The following MARK3 variants were observed in gnomAD, a reference collection of about 807,000 sequenced individuals.
MARK3 encodes the protein MAP/microtubule affinity-regulating kinase 3.
MARK3 carries 46 observed loss-of-function variants against 90.1 expected under a neutral mutation model. That is an observed-to-expected ratio of 0.51 (90% CI 0.40 to 0.65). MARK3 has a LOEUF of 0.65. Ranked by LOEUF, MARK3 falls within the 30% of genes least tolerant of loss-of-function variation. The pLI, the probability that MARK3 is intolerant of heterozygous loss-of-function variation, is 0.00. For missense variants in MARK3, 818 were observed against 947.2 expected (o/e 0.86, Z 1.79); for synonymous variants, 321 against 332.6 (o/e 0.97, Z 0.38).
chr14:103,463,842 A>G (rs1429083402), intron 7 of MARK3, among the ~76,000 whole-genome samples: 2 of 152,132 alleles, frequency 1.3e-5, no homozygotes, highest in African/African-American at 4.8e-5. Context: ...TGAAAACCCA[A>G]ACTTCTCAAG....
intron 2 of MARK3, among the ~76,000 whole-genome samples, chr14:103,420,826 C>A (rs968827620): frequency 1.3e-5 from 2 of 152,128 alleles, no homozygotes; most frequent in Admixed American, 1.3e-4. Flanking sequence ...TGAGGTTCAA[C>A]AAGGGGACAC....
At chr14:103,473,700 C>G (rs1397408823) in intron 12 of MARK3, among the ~76,000 whole-genome samples, 2 of 152,050 alleles carry the variant, frequency 1.3e-5, no homozygotes, top group Non-Finnish European at 2.9e-5. Context: ...TAACTCCTCC[C>G]CACTCCCGGT....
rs2093692880 is a variant in MARK3, at chr14:103,475,139, A to G, written c.1411A>G (p.Met471Val). ...AAAGGGAATTGCTCCAGCCAGTCCC[A>G]TGCTTGGGAATGCAAGTAATCCTAA... ...GGKGIAPASP[M>V]LGNASNPNKA... The change falls in exon 13 of 18, where the codon ATG becomes GTG. Residue 471 changes from methionine (M) to valine (V), a missense_variant. This residue lies in a region of MARK3 where 560 missense variants were observed against 613.5 expected (regional missense o/e 0.91). Coordinates refer to ENST00000429436, the MANE Select transcript of MARK3 (RefSeq NM_001128918.3). 5 of 1,614,206 alleles carry G rather than the reference A, an allele frequency of 3.1e-6. No homozygotes were observed. The highest frequency in any genetic ancestry group is 4.2e-6 in the Non-Finnish European group (5 of 1,180,042).
At chr14:103,463,996 C>T (rs2093452198) in intron 7 of MARK3, among the ~76,000 whole-genome samples, 1 of 152,170 alleles carries the variant, frequency 6.6e-6, no homozygotes, top group South Asian at 2.1e-4. Flanking sequence ...TGAAATACCC[C>T]TCATCAACAC....
chr14:103,387,889 T>A (rs1331714666), intron 1 of MARK3, among the ~76,000 whole-genome samples: 2 of 152,056 alleles, frequency 1.3e-5, no homozygotes, highest in Non-Finnish European at 2.9e-5. Flanking sequence ...CCAAAAACAG[T>A]CATAGCAGAT....
intron 1 of MARK3, among the ~76,000 whole-genome samples, chr14:103,394,618 G>GT (rs752352460): frequency 1.3e-5 from 2 of 152,108 alleles, no homozygotes; most frequent in African/African-American, 2.4e-5. Flanking sequence ...CAAAGCAGGT[G>GT]TTTTTTCTGT....
At chr14:103,435,478 A>G (rs972954212) in intron 3 of MARK3, among the ~76,000 whole-genome samples, 72 of 147,286 alleles carry the variant, frequency 4.9e-4, no homozygotes, top group African/African-American at 1.4e-3. Flanking sequence ...GTGCGATCTC[A>G]GCTCACTGCA....
At chr14:103,494,652 T>C (rs747911828) in intron 15 of MARK3, among the ~76,000 whole-genome samples, 12 of 152,150 alleles carry the variant, frequency 7.9e-5, no homozygotes, top group African/African-American at 4.8e-5. Flanking sequence ...CTCTTTTTTT[T>C]TCCCCACAGA....
intron 6 of MARK3, among the ~76,000 whole-genome samples, chr14:103,460,838 A>C (rs1342813715): frequency 2.0e-5 from 3 of 152,222 alleles, no homozygotes; most frequent in Admixed American, 2.0e-4. Context: ...TTTACTTTTC[A>C]AGTTTTCATG....
chr14:103,389,231 G>A (rs2090038439), intron 1 of MARK3, among the ~76,000 whole-genome samples: 1 of 151,782 alleles, frequency 6.6e-6, no homozygotes, highest in South Asian at 2.1e-4. Flanking sequence ...GGGCGTGGTG[G>A]CAGGCACCTG....
chr14:103,458,454 C>CAAAAA (rs36020485), intron 6 of MARK3, among the ~76,000 whole-genome samples: 7 of 30,580 alleles, frequency 2.3e-4, no homozygotes, highest in Admixed American at 1.0e-3. Flanking sequence ...GACTCCATCT[C>CAAAAA]AAAAAAAAAA....
chr14:103,470,522 C>G (rs774318263), intron 12 of MARK3, among the ~76,000 whole-genome samples: 47 of 117,562 alleles, frequency 4.0e-4, no homozygotes, highest in Non-Finnish European at 6.6e-4. Flanking sequence ...ATAGCGCGAT[C>G]TCGGCTCACT....
intron 1 of MARK3, among the ~76,000 whole-genome samples, chr14:103,391,295 TCAA>T (rs2090224604): frequency 6.6e-6 from 1 of 152,190 alleles, no homozygotes; most frequent in South Asian, 2.1e-4. Flanking sequence ...CCCCATGTAC[TCAA>T]CAGCGCAGCT....
intron 6 of MARK3, among the ~76,000 whole-genome samples, chr14:103,461,522 G>A (rs752182358): frequency 4.6e-5 from 7 of 152,124 alleles, no homozygotes; most frequent in Non-Finnish European, 8.8e-5. Flanking sequence ...CACGTACGTC[G>A]CAACATTCAT....
At chr14:103,386,215 C>T (rs950807327) in intron 1 of MARK3, 135 bp downstream of exon 1, 45 of 865,056 alleles carry the variant, frequency 5.2e-5, no homozygotes, top group Middle Eastern at 4.4e-4. Flanking sequence ...ACCCAGGAGG[C>T]AGCCAGGTCG....
chr14:103,444,117 A>T (rs1390791351), intron 3 of MARK3, among the ~76,000 whole-genome samples: 2 of 139,584 alleles, frequency 1.4e-5, no homozygotes, highest in East Asian at 2.1e-4. Flanking sequence ...CTAGAGACTA[A>T]AATTCTCTCT....
intron 12 of MARK3, among the ~76,000 whole-genome samples, chr14:103,468,928 G>A (rs564285902): frequency 4.4e-3 from 675 of 151,734 alleles, no homozygotes; most frequent in Non-Finnish European, 7.4e-3. Context: ...CATGCCCAGC[G>A]CTAGAACTGG....
chr14:103,477,452 A>G (rs1312535400), intron 13 of MARK3, among the ~76,000 whole-genome samples: 2 of 152,114 alleles, frequency 1.3e-5, no homozygotes, highest in East Asian at 1.9e-4. Context: ...AGATTGTGTC[A>G]TTGCACTCCA....
At chr14:103,496,182 C>G (rs2075327780) in intron 15 of MARK3, among the ~76,000 whole-genome samples, 1 of 152,226 alleles carries the variant, frequency 6.6e-6, no homozygotes, top group African/African-American at 2.4e-5. Flanking sequence ...AGGCCTCCTC[C>G]TGCAGCTGCC....
Sources: allele counts gnomAD v4.1 joint callset (sites outside exome capture counted in the v4.1 genomes callset), GRCh38; gene constraint gnomAD v4.1.1; regional missense constraint gnomAD v4.1.1; transcripts MANE v1.5; gene names NCBI Gene and HGNC (gene_info 2026-07-23, HGNC 2026-07-21).